CACNA1C: variants seen among roughly 807,000 people sequenced by gnomAD.
The protein encoded by CACNA1C is voltage-dependent L-type calcium channel subunit alpha-1C.
In CACNA1C, 30 loss-of-function variants were observed where a neutral mutation model predicts 229.0. The ratio of observed to expected loss-of-function variants is 0.13; its 90% confidence interval spans 0.10 to 0.18. CACNA1C has a LOEUF of 0.18. CACNA1C is among the 10% of genes least tolerant of loss of function. The pLI is 1.00. For missense variants in CACNA1C, 1,658 were observed against 2,845.0 expected, an observed-to-expected ratio of 0.58 and a Z score of 9.49; for synonymous variants, 1,114 against 1,132.5, an observed-to-expected ratio of 0.98 and a Z score of 0.33.
At position 2,285,676 on chromosome 12, in the gene CACNA1C, C is replaced by T. The variant is rs984388859; in HGVS notation, c.478-163300C>T. Among the ~76,000 whole-genome samples, 7 of 152,190 alleles carry T rather than the reference C, an allele frequency of 4.6e-5. No homozygotes were observed. On this transcript the variant is annotated intron_variant, in intron 3 of 46. Coordinates refer to ENST00000399655, the MANE Select transcript of CACNA1C (RefSeq NM_000719.7). The surrounding 1 kb of genome is among the most constrained non-coding windows in gnomAD (Gnocchi z 4.2). ...TCGACGTTCCTAGGCTCCCTTCCACCGTTCCCTGGTCTCCAAACCCCATGT... is the reference window on the plus strand; with the variant it reads ...TCGACGTTCCTAGGCTCCCTTCCACTGTTCCCTGGTCTCCAAACCCCATGT...
intron 3 of CACNA1C, among the ~76,000 whole-genome samples, chr12:2,220,020 C>G (rs144967853): frequency 7.0e-4 from 107 of 152,316 alleles, no homozygotes; most frequent in Non-Finnish European, 1.2e-3. Context: ...TCCTCCTCCT[C>G]AGATGCTGAG....
chr12:2,623,377 G>A (rs1602479077), intron 29 of CACNA1C, among the ~76,000 whole-genome samples: 1 of 152,060 alleles, frequency 6.6e-6, no homozygotes, highest in Non-Finnish European at 1.5e-5. Flanking sequence ...TGTCCACAGA[G>A]GAAGCTGCTC....
At chr12:2,587,672 ACC>A (rs1216923574) in intron 18 of CACNA1C, among the ~76,000 whole-genome samples, 1 of 152,050 alleles carries the variant, frequency 6.6e-6, no homozygotes, top group Non-Finnish European at 1.5e-5. Flanking sequence ...TCACGTAGCT[ACC>A]CAGTGGCTCT....
intron 3 of CACNA1C, among the ~76,000 whole-genome samples, chr12:2,164,057 C>T (rs949232161): frequency 6.6e-6 from 1 of 152,196 alleles, no homozygotes; most frequent in African/African-American, 2.4e-5. Context: ...GGCTTCCTCC[C>T]TCCCCTCCTC....
At chr12:2,690,410 G>A (rs2097758600) in intron 46 of CACNA1C, among the ~76,000 whole-genome samples, 1 of 152,182 alleles carries the variant, frequency 6.6e-6, no homozygotes, top group Non-Finnish European at 1.5e-5. Flanking sequence ...GCTCAGTGCA[G>A]CCTGGCGCTG....
At position 1,971,154 on chromosome 12, in the gene CACNA1C, C is replaced by T; in HGVS notation, c.92C>T (p.Thr31Ile). The T allele has an allele frequency of 7.8e-7, 1 of 1,289,304 alleles. No homozygotes were observed. The highest frequency in any genetic ancestry group is 1.0e-6 in the Non-Finnish European group (1 of 988,424). 79.9% of individuals were successfully genotyped at this position (1,289,304 alleles called of 1,614,324 possible). A position where few individuals can be genotyped will look rare whatever the true frequency, so the allele number is the denominator to read the frequency against. ...AACACGGAGGTCAAGTTTAAGGGTA[C>T]TTTGGTGCATGAAGCTCAACTCAAC... The change falls in exon 1 of 47, where the codon ACT becomes ATT. Residue 31 changes from threonine to isoleucine, a missense_variant. Physicochemically the swap from Thr to Ile is moderately conservative, Grantham distance 89 (BLOSUM62 -1). Transcript: ENST00000682462. This position sits in a 1 kb window ranked among gnomAD's most constrained non-coding sequence, Gnocchi z 4.2.
chr12:2,239,368 A>T (rs904946362), intron 3 of CACNA1C, among the ~76,000 whole-genome samples: 3 of 150,902 alleles, frequency 2.0e-5, no homozygotes, highest in African/African-American at 7.3e-5. Context: ...CCACACACAC[A>T]GGCTTCATCT....
chr12:2,454,412 C>T (rs2154564253), intron 4 of CACNA1C, among the ~76,000 whole-genome samples: 1 of 152,296 alleles, frequency 6.6e-6, no homozygotes, highest in East Asian at 1.9e-4. Context: ...CCTCTCTCAC[C>T]CTGACTCCCA....
chr12:2,360,777 C>G (rs578066745), intron 3 of CACNA1C, among the ~76,000 whole-genome samples: 2 of 146,620 alleles, frequency 1.4e-5, no homozygotes, highest in Non-Finnish European at 2.9e-5. Flanking sequence ...TTGCAATGCT[C>G]GAAGAGTATA....
intron 2 of CACNA1C, among the ~76,000 whole-genome samples, chr12:2,116,795 C>T (rs2084117844): frequency 6.6e-6 from 1 of 152,134 alleles, no homozygotes; most frequent in African/African-American, 2.4e-5. Flanking sequence ...CTGGTACTGA[C>T]TGTGGGAATT....
chr12:2,191,541 CAT>C (rs1394068443), intron 3 of CACNA1C, among the ~76,000 whole-genome samples: 3 of 152,154 alleles, frequency 2.0e-5, no homozygotes, highest in Non-Finnish European at 4.4e-5. Flanking sequence ...CACATACACA[CAT>C]GGACACATTC....
chr12:2,211,464 GT>G (rs1233595831), intron 3 of CACNA1C, among the ~76,000 whole-genome samples: 1 of 152,234 alleles, frequency 6.6e-6, no homozygotes, highest in Non-Finnish European at 1.5e-5. Context: ...CTGGATAGCT[GT>G]TGCTGCTGTA....
chr12:2,674,390 AG>A (rs2096702080), intron 38 of CACNA1C, 150 bp from the exon 39 acceptor site: 3 of 1,123,328 alleles, frequency 2.7e-6, no homozygotes, highest in Non-Finnish European at 3.7e-6. Flanking sequence ...GAAAATGGGA[AG>A]ACTGGGGAGA....
chr12:2,644,170 A>G (rs1475494514), intron 30 of CACNA1C, among the ~76,000 whole-genome samples: 1 of 152,218 alleles, frequency 6.6e-6, no homozygotes, highest in Non-Finnish European at 1.5e-5. Context: ...AGGTGCGTGG[A>G]ATCTTAGTGA....
intron 3 of CACNA1C, among the ~76,000 whole-genome samples, chr12:2,178,647 G>A (rs756595520): frequency 6.6e-6 from 1 of 152,104 alleles, no homozygotes; most frequent in South Asian, 2.1e-4. Context: ...CAGACTCTCC[G>A]ACTTCCTTCA....
chr12:2,129,720 C>T (rs1433907072), intron 3 of CACNA1C, among the ~76,000 whole-genome samples: 1 of 152,186 alleles, frequency 6.6e-6, no homozygotes, highest in East Asian at 1.9e-4. Context: ...GGGGAGCTGT[C>T]AGGAGAGCTA....
At chr12:2,103,441 A>T (rs778476226) in intron 1 of CACNA1C, among the ~76,000 whole-genome samples, 3 of 151,962 alleles carry the variant, frequency 2.0e-5, no homozygotes, top group Non-Finnish European at 4.4e-5. Context: ...TTTTCTTGTA[A>T]ATCTGTTTAA....
intron 3 of CACNA1C, among the ~76,000 whole-genome samples, chr12:2,413,973 C>T (rs73246666): frequency 3.3e-5 from 5 of 152,270 alleles, no homozygotes; most frequent in Admixed American, 3.3e-4. Flanking sequence ...AATAACCCCC[C>T]ACCCAAGGCT....
chr12:2,692,237 T>A lies in CACNA1C; in HGVS notation c.*1038T>A, dbSNP rs1258815730. On this transcript the variant is annotated 3_prime_UTR_variant, in exon 47 of 47. Transcript: ENST00000399655. ...TTTGTTCTGGTTTGGTTCGGTTATC[T>A]AATGGAAAGGTAACTGGCAATGCAC... 1 of 152,272 alleles carries A rather than the reference T, an allele frequency of 6.6e-6. No homozygotes were observed. Among genetic ancestry groups the A allele is most frequent in the Non-Finnish European group, 1.5e-5 (1 of 68,044 alleles). 9.4% of individuals were successfully genotyped at this position (152,272 alleles called of 1,614,324 possible). A position where few individuals can be genotyped will look rare whatever the true frequency, so the allele number is the denominator to read the frequency against.
Sources: allele counts gnomAD v4.1 joint callset (sites outside exome capture counted in the v4.1 genomes callset), GRCh38; gene constraint gnomAD v4.1.1; non-coding constraint Gnocchi (gnomAD v3.1); transcripts MANE v1.5; gene names NCBI Gene and HGNC (gene_info 2026-07-23, HGNC 2026-07-21).